ANKRD44: variants seen among roughly 807,000 people sequenced by gnomAD.
The protein encoded by ANKRD44 is serine/threonine-protein phosphatase 6 regulatory ankyrin repeat subunit B.
Under a neutral mutation model 116.0 loss-of-function variants are expected in ANKRD44, and 35 were observed. The ratio of observed to expected loss-of-function variants is 0.30; its 90% CI spans 0.23 to 0.40. ANKRD44 has a LOEUF of 0.40. ANKRD44 is among the 10% of genes least tolerant of loss of function. The pLI is 1.00. For synonymous variants in ANKRD44, 435 were observed against 461.8 expected, an observed-to-expected ratio of 0.94 and a Z score of 0.74; for missense variants, 1,014 against 1,242.6, an observed-to-expected ratio of 0.82 and a Z score of 2.77.
At chr2:197,053,491 C>T (rs2077149566) in intron 16 of ANKRD44, among the ~76,000 whole-genome samples, 2 of 151,932 alleles carry the variant, frequency 1.3e-5, no homozygotes, top group African/African-American at 4.8e-5. Context: ...CACTGATATC[C>T]TTCTAAAAAA....
chr2:197,021,447 T>A (rs1418517504), intron 17 of ANKRD44, among the ~76,000 whole-genome samples: 2 of 152,208 alleles, frequency 1.3e-5, no homozygotes, highest in African/African-American at 4.8e-5. Flanking sequence ...TTTCTCCACA[T>A]CCTCTCCAGC....
exon 22 of ANKRD44, chr2:196,967,285 CGAATCCGGT>C (rs1228524458): frequency 3.1e-6 from 1 of 322,122 alleles, no homozygotes; most frequent in Non-Finnish European, 6.8e-6. Context: ...ACAGGCAAGG[CGAATCCGGT>C]TACTCCCTTT....
At chr2:197,189,552 A>G (rs2080772095) in intron 1 of ANKRD44, among the ~76,000 whole-genome samples, 1 of 152,256 alleles carries the variant, frequency 6.6e-6, no homozygotes, top group African/African-American at 2.4e-5. Context: ...ACAGAGCCAG[A>G]CACAAATTCA....
At chr2:197,116,466 C>T (rs2078710776) in intron 8 of ANKRD44, among the ~76,000 whole-genome samples, 1 of 152,248 alleles carries the variant, frequency 6.6e-6, no homozygotes, top group African/African-American at 2.4e-5. Context: ...ACACCACGCT[C>T]TGCGACTTCA....
chr2:197,165,705 A>G (rs750366789), intron 2 of ANKRD44, among the ~76,000 whole-genome samples: 14 of 152,228 alleles, frequency 9.2e-5, no homozygotes, highest in Admixed American at 3.9e-4. Flanking sequence ...TACTGATGAG[A>G]TATGATGCTG....
rs2078636415 is a variant in ANKRD44, at chr2:197,113,436, T to C, written c.907-2592A>G. Among the ~76,000 whole-genome samples the C allele has an allele frequency of 2.0e-5, 3 of 152,250 alleles. No homozygotes were observed. The South Asian group carries it at 6.2e-4, about 31-fold the overall frequency. On this transcript the variant is annotated intron_variant, in intron 8 of 27. Transcript: ENST00000282272. ...GCTATTTCTTTAAATTTTGCTCCAG[T>C]GTTTTCTCTTAATATGAAACCATAA...
chr2:197,058,476 G>A (rs988954878), intron 16 of ANKRD44, among the ~76,000 whole-genome samples: 4 of 150,880 alleles, frequency 2.7e-5, no homozygotes, highest in South Asian at 2.1e-4. Context: ...GAGAAGGGAC[G>A]TTATACAAGA....
At chr2:197,171,448 C>T (rs537698168) in intron 2 of ANKRD44, among the ~76,000 whole-genome samples, 1 of 152,234 alleles carries the variant, frequency 6.6e-6, no homozygotes, top group East Asian at 1.9e-4. Context: ...CTAACTGGAA[C>T]TACTTTTACA....
At position 197,121,437 on chromosome 2, in the gene ANKRD44, C is replaced by T. The variant is rs2078850884; in HGVS notation, c.801G>A (p.Gln267=). 6.2e-7 allele frequency: 1 copy of T among 1,614,204 alleles called. No individual in the cohort carries two copies. Among genetic ancestry groups the T allele is most frequent in the Non-Finnish European group, 8.5e-7 (1 of 1,180,030 alleles). Residue 267 remains glutamine, a synonymous_variant, in exon 8 of 28, where the codon CAG becomes CAA. Coordinates refer to ENST00000282272, the MANE Select transcript of ANKRD44 (RefSeq NM_001195144.2). ...AAGGGGTGAACCCATTATTGTTTGG[C>T]TGGTTCACGTTAGCACCGTAGTCAA... ...ELIDYGANVN[Q]PNNNGFTPLH... is the part of the protein sequence containing the mutation.
At chr2:197,150,759 A>G (rs957459752) in intron 2 of ANKRD44, among the ~76,000 whole-genome samples, 1 of 152,192 alleles carries the variant, frequency 6.6e-6, no homozygotes, top group African/African-American at 2.4e-5. Context: ...ATGAACTTAG[A>G]GTGCAGGGAT....
At chr2:197,057,956 C>G (rs1431595154) in intron 16 of ANKRD44, among the ~76,000 whole-genome samples, 3 of 152,134 alleles carry the variant, frequency 2.0e-5, no homozygotes. Context: ...GGTTGGCAGT[C>G]TTATAGAACA....
At chr2:197,246,350 C>CATTTTTTT (rs1401035545) in intron 1 of ANKRD44, among the ~76,000 whole-genome samples, 1 of 65,876 alleles carries the variant, frequency 1.5e-5, no homozygotes, top group African/African-American at 6.7e-5. Context: ...CTACATCTGG[C>CATTTTTTT]TTTTTTTTTT....
chr2:197,186,042 C>A (rs1022036259), intron 2 of ANKRD44, among the ~76,000 whole-genome samples: 6 of 152,148 alleles, frequency 3.9e-5, no homozygotes, highest in South Asian at 2.1e-4. Flanking sequence ...TTTATGAACA[C>A]CAAATTTGAA....
chr2:197,178,178 G>T (rs1038499356), intron 2 of ANKRD44, among the ~76,000 whole-genome samples: 1 of 152,188 alleles, frequency 6.6e-6, no homozygotes, highest in African/African-American at 2.4e-5. Flanking sequence ...GGTCAAGAAT[G>T]ACACCACGCT....
chr2:197,304,242 C>T (rs573186136), intron 1 of ANKRD44, among the ~76,000 whole-genome samples: 3 of 152,114 alleles, frequency 2.0e-5, no homozygotes, highest in South Asian at 4.1e-4. Flanking sequence ...AGGAGGGGGT[C>T]GGCGGGGGTT....
At position 197,101,381 on chromosome 2, in the gene ANKRD44, G is replaced by A. The variant is rs529711703; in HGVS notation, c.986-1451C>T. Among the ~76,000 whole-genome samples the A allele has an allele frequency of 4.6e-5, 7 of 152,248 alleles. No individual in the cohort carries two copies. The South Asian group carries it at 8.3e-4, about 18-fold the overall frequency. ...TGGCAACAATTCCCAGAGCAGATGC[G>A]TGCTTCCCGCTCCATTTTCTTAGCG... On this transcript the variant is annotated intron_variant, in intron 9 of 27. Transcript: ENST00000282272.
chr2:197,283,066 A>C (rs2083310796), intron 1 of ANKRD44, among the ~76,000 whole-genome samples: 1 of 152,186 alleles, frequency 6.6e-6, no homozygotes. Context: ...ACATCATAGG[A>C]ATGCTTTTAT....
intron 16 of ANKRD44, among the ~76,000 whole-genome samples, chr2:197,068,251 A>G (rs1193560947): frequency 7.4e-6 from 1 of 135,904 alleles, no homozygotes; most frequent in East Asian, 2.2e-4. Flanking sequence ...TGGGAGATAT[A>G]CCTAATGCTA....
At chr2:197,255,119 G>A (rs1020970725) in intron 1 of ANKRD44, among the ~76,000 whole-genome samples, 2 of 152,198 alleles carry the variant, frequency 1.3e-5, no homozygotes, top group African/African-American at 2.4e-5. Flanking sequence ...TGAACCTGTA[G>A]CCATATGTTC....
Sources: allele counts gnomAD v4.1 joint callset (sites outside exome capture counted in the v4.1 genomes callset), GRCh38; gene constraint gnomAD v4.1.1; transcripts MANE v1.5; gene names NCBI Gene and HGNC (gene_info 2026-07-23, HGNC 2026-07-21).